Variants in C21orf58 observed in about 807,000 individuals in gnomAD.
C21orf58 encodes chromosome 21 open reading frame 58.
A neutral mutation model predicts 35.8 loss-of-function variants in C21orf58; 34 were observed. The observed-to-expected ratio is 0.95, with a 90% CI of 0.72 to 1.26. The LOEUF is 1.26. Ranked by LOEUF, C21orf58 falls within the 50% of genes most tolerant of loss-of-function variation. C21orf58 has a pLI of 0.00. For missense variants in C21orf58, 440 were observed against 414.3 expected, an observed-to-expected ratio of 1.06 and a Z score of -0.54; for synonymous variants, 191 against 175.8, an observed-to-expected ratio of 1.09 and a Z score of -0.68.
intron 5 of C21orf58, among the ~76,000 whole-genome samples, chr21:46,311,926 T>TCCAA (rs200950924): frequency 5.6e-5 from 6 of 106,222 alleles, no homozygotes; most frequent in Non-Finnish European, 1.1e-4. Flanking sequence ...CACCCATCCA[T>TCCAA]CCAACCAACC....
intron 4 of C21orf58, 195 bp from the exon 5 acceptor site, chr21:46,315,075 TA>T: frequency 6.9e-7 from 1 of 1,448,226 alleles, no homozygotes; most frequent in South Asian, 1.4e-5. Context: ...GCGTGTCAGC[TA>T]GTTTCCAGTT....
At chr21:46,300,567 G>A (rs184847845), downstream of C21orf58, 8,487 of 1,002,310 alleles carry the variant, frequency 8.5e-3, 49 homozygotes, top group Non-Finnish European at 9.7e-3. Flanking sequence ...CAAGAGGCAC[G>A]AAAAGATGGT....
chr21:46,321,272 G>A lies in C21orf58; in HGVS notation c.100+1367C>T, dbSNP rs571387181. 3.3e-5 allele frequency among the ~76,000 whole-genome samples: 5 copies of A among 152,082 alleles called. No individual in the cohort carries two copies. In the South Asian group the frequency reaches 6.2e-4, roughly 19 times the overall value. On this transcript the variant is annotated intron_variant, in intron 1 of 7. Transcript: ENST00000291691. Reference sequence around the variant, plus strand: ...CAACCTCTGCTTCCCAGTTTCAAGCGATTCTTCTGCCTCAGCCTCTCGAGT... The same window carrying A: ...CAACCTCTGCTTCCCAGTTTCAAGCAATTCTTCTGCCTCAGCCTCTCGAGT...
Position 46,318,148 on chromosome 21 carries a change from G to A in C21orf58, c.173C>T (p.Pro58Leu). 3 of 1,613,148 alleles carry A rather than the reference G, an allele frequency of 1.9e-6. No individual in the cohort carries two copies. The highest frequency in any genetic ancestry group is 2.5e-6 in the Non-Finnish European group (3 of 1,180,034). ...TCCCTCCCTGGTTCTGTTACTCGCA[G>A]GAAAGAACTGCTCAGCAGGAGCCCA... is the stretch of plus-strand genomic sequence containing the variant. ...GAWAPAEQFF[P>L]ASNRTREGGG... Residue 58 changes from proline (P) to leucine (L), a missense_variant, in exon 2 of 8, where the codon CCT (proline) becomes CTT (leucine). Transcript: ENST00000291691.
At chr21:46,300,738 G>A (rs1222152948), downstream of C21orf58, 2 of 1,289,016 alleles carry the variant, frequency 1.6e-6, no homozygotes, top group Non-Finnish European at 2.0e-6. Context: ...TTCAAAGATG[G>A]AAGCACTGGG....
intron 6 of C21orf58, among the ~76,000 whole-genome samples, chr21:46,305,314 ATCAC>A (rs1316496293): frequency 7.4e-5 from 11 of 149,330 alleles, no homozygotes; most frequent in Non-Finnish European, 1.0e-4. Context: ...TTTTTTTTTA[ATCAC>A]AAATTAATCT....
intron 2 of C21orf58, 139 bp from the exon 3 acceptor site, chr21:46,317,407 G>A (rs1601701716): frequency 6.9e-7 from 1 of 1,456,606 alleles, no homozygotes; most frequent in Non-Finnish European, 9.2e-7. Flanking sequence ...CAACAGGCGG[G>A]AGTCAAGCCC....
At chr21:46,315,824 C>T (rs1273112201) in intron 3 of C21orf58, among the ~76,000 whole-genome samples, 4 of 152,120 alleles carry the variant, frequency 2.6e-5, no homozygotes, top group South Asian at 2.1e-4. Context: ...GCTGAAATGA[C>T]GCGACCAGGT....
chr21:46,303,727 ATATATATATATATATATATTTTTTT>A (rs1233879959), intron 6 of C21orf58, among the ~76,000 whole-genome samples: 4 of 26,612 alleles, frequency 1.5e-4, no homozygotes, highest in African/African-American at 6.4e-4. Flanking sequence ...ATATATATAT[ATATATATATATATATATATTTTTTT>A]TTTTTTTTTT....
chr21:46,322,599 C>A, intron 1 of C21orf58, 40 bp downstream of exon 1: 1 of 1,457,962 alleles, frequency 6.9e-7, no homozygotes, highest in Non-Finnish European at 9.1e-7. Context: ...CACCCAATTC[C>A]GAGTCTGGGA....
At chr21:46,317,142 G>A in intron 3 of C21orf58, 66 bp downstream of exon 3, 3 of 1,446,056 alleles carry the variant, frequency 2.1e-6, no homozygotes, top group East Asian at 2.4e-5. Flanking sequence ...CCTGGAGGTG[G>A]CTCCCCCTGG....
At chr21:46,320,917 G>C (rs1298394123) in intron 1 of C21orf58, 1 of 152,200 alleles carries the variant, frequency 6.6e-6, no homozygotes, top group Non-Finnish European at 1.5e-5. Context: ...GGAGAGACTT[G>C]AGCCTGTGTG....
At chr21:46,316,330 C>T (rs900036016) in intron 3 of C21orf58, among the ~76,000 whole-genome samples, 2 of 152,082 alleles carry the variant, frequency 1.3e-5, no homozygotes, top group South Asian at 2.1e-4. Flanking sequence ...GTGGAGCGCA[C>T]CTGTAATCTC....
intron 4 of C21orf58, 138 bp downstream of exon 4, chr21:46,315,334 AAC>A (rs1161351587): frequency 9.6e-5 from 62 of 648,634 alleles, no homozygotes; most frequent in Admixed American, 2.0e-4. Flanking sequence ...TCTCTAAGCT[AAC>A]AGTGTCCTTG....
At chr21:46,317,304 T>G in intron 2 of C21orf58, 36 bp from the exon 3 acceptor site, 1 of 1,603,590 alleles carries the variant, frequency 6.2e-7, no homozygotes, top group Non-Finnish European at 8.5e-7. Context: ...AGACGGTGGC[T>G]CCACGCAAAG....
intron 1 of C21orf58, chr21:46,318,496 C>G: frequency 7.4e-7 from 1 of 1,343,372 alleles, no homozygotes; most frequent in Non-Finnish European, 9.6e-7. Flanking sequence ...TCGTGACCCC[C>G]TATGCACCAC....
chr21:46,317,367 A>T, intron 2 of C21orf58, 99 bp from the exon 3 acceptor site: 2 of 1,539,544 alleles, frequency 1.3e-6, no homozygotes, highest in Non-Finnish European at 1.7e-6. Flanking sequence ...AAAGAATGGT[A>T]CGTCAGGAGT....
rs922237912 is a variant in C21orf58 at position 46,322,952 on chromosome 21, G to C, written c.-214C>G. 2 of 414,414 alleles carry C rather than the reference G, an allele frequency of 4.8e-6. No homozygotes were observed. Among genetic ancestry groups the C allele is most frequent in the African/African-American group, 2.3e-5 (1 of 43,434 alleles). The allele number at this position is 414,414 out of a possible 1,614,324, so 25.7% of individuals were successfully genotyped here. On this transcript the variant is annotated 5_prime_UTR_variant, in exon 1 of 8. Transcript: ENST00000291691. ...CACGGCCCTCCACGACGAACCTTTT[G>C]CAAGTGAAGGCGCACGAACAGGCCC...
intron 1 of C21orf58, among the ~76,000 whole-genome samples, chr21:46,320,322 C>T (rs1406529033): frequency 6.6e-6 from 1 of 151,916 alleles, no homozygotes; most frequent in African/African-American, 2.4e-5. Flanking sequence ...AGACTGGTCT[C>T]GAACTCCTGA....
Sources: allele counts gnomAD v4.1 joint callset (sites outside exome capture counted in the v4.1 genomes callset), GRCh38; gene constraint gnomAD v4.1.1; transcripts MANE v1.5; gene names NCBI Gene and HGNC (gene_info 2026-07-23, HGNC 2026-07-21).